RD3: variants seen among roughly 807,000 people sequenced by gnomAD.
The protein encoded by RD3 is RD3 regulator of GUCY2D.
RD3 carries 11 observed loss-of-function variants against 16.9 expected under a neutral mutation model. The ratio of observed to expected loss-of-function variants is 0.65; its 90% CI spans 0.41 to 1.08. The LOEUF (loss-of-function observed/expected upper bound fraction) is 1.08, where lower values mean the gene tolerates loss of function less well. RD3 is among the 50% of genes least tolerant of loss of function. RD3 has a pLI of 0.00. For synonymous variants in RD3, 116 were observed against 114.8 expected (o/e 1.01, Z -0.07); for missense variants, 274 against 267.4 (o/e 1.02, Z -0.17).
intron 1 of RD3, among the ~76,000 whole-genome samples, chr1:211,488,687 C>T (rs1312610545): frequency 6.6e-6 from 1 of 152,212 alleles, no homozygotes; most frequent in Non-Finnish European, 1.5e-5. Context: ...GACCCCTATC[C>T]ATCTTGGGGT....
chr1:211,484,085 A>G (rs1705328289), intron 1 of RD3, among the ~76,000 whole-genome samples: 1 of 151,976 alleles, frequency 6.6e-6, no homozygotes. Context: ...AGATGTGGCC[A>G]CTCTCTACCT....
At position 211,481,572 on chromosome 1, in the gene RD3, G is replaced by T. The variant is rs1008928541; in HGVS notation, c.-11-146C>A. Reference sequence around the variant, plus strand: ...CTAACAGTTGAGTGGCCTCAAGTAGGTGGCTTAATTTCCCTGAGCAATCAT... The same window carrying T: ...CTAACAGTTGAGTGGCCTCAAGTAGTTGGCTTAATTTCCCTGAGCAATCAT... On this transcript the variant is annotated intron_variant, in intron 1 of 2. Coordinates refer to ENST00000680073, the MANE Select transcript of RD3 (RefSeq NM_001164688.2). 4.4e-6 allele frequency: 3 copies of T among 687,298 alleles called. No homozygotes were observed. The African/African-American group carries it at 5.4e-5, about 12-fold the overall frequency. The allele number at this position is 687,298 out of a possible 1,614,324, so 42.6% of individuals were successfully genotyped here.
At chr1:211,485,473 A>G (rs1472458252) in intron 1 of RD3, among the ~76,000 whole-genome samples, 1 of 152,202 alleles carries the variant, frequency 6.6e-6, no homozygotes, top group Non-Finnish European at 1.5e-5. Flanking sequence ...AGGGAGAGAC[A>G]GAGGGAGGAA....
At chr1:211,483,581 G>T (rs1705318628) in intron 1 of RD3, among the ~76,000 whole-genome samples, 1 of 151,828 alleles carries the variant, frequency 6.6e-6, no homozygotes, top group South Asian at 2.1e-4. Context: ...CGAACCATTA[G>T]ACCCTACTCC....
intron 2 of RD3, among the ~76,000 whole-genome samples, chr1:211,479,975 C>T (rs899690220): frequency 6.6e-5 from 10 of 152,248 alleles, no homozygotes; most frequent in African/African-American, 2.4e-4. Flanking sequence ...CTATTTAATA[C>T]CAGGTTTCCT....
intron 1 of RD3, among the ~76,000 whole-genome samples, chr1:211,483,463 A>AAAAAAAG (rs1705315904): frequency 6.6e-6 from 1 of 152,102 alleles, no homozygotes; most frequent in South Asian, 2.1e-4. Context: ...TCAAAAAAAA[A>AAAAAAAG]AAAAAAGAAA....
At chr1:211,481,071 C>T in intron 2 of RD3, 49 bp downstream of exon 2, 1 of 1,603,888 alleles carries the variant, frequency 6.2e-7, no homozygotes, top group Non-Finnish European at 8.5e-7. Context: ...ACTGCAGCCA[C>T]CTTTCCTGGA....
At chr1:211,491,409 A>C (rs1397692634) in intron 1 of RD3, among the ~76,000 whole-genome samples, 1 of 151,922 alleles carries the variant, frequency 6.6e-6, no homozygotes, top group East Asian at 1.9e-4. Flanking sequence ...GCCTGTGTCC[A>C]CTCTATAAAG....
At position 211,486,767 on chromosome 1, in the gene RD3, C is replaced by T. The variant is rs192757732; in HGVS notation, c.-12+5001G>A. Among the ~76,000 whole-genome samples the T allele has an allele frequency of 3.8e-3, 556 of 147,328 alleles. 2 individuals carry two copies. The highest frequency in any genetic ancestry group is 0.013 in the African/African-American group (533 of 39,842). ...CTAAGGCAGGAGAATGGCTTGAACCCGGGAGGCAGAGGTTGCAGTGAGCCG... is the reference window on the plus strand; with the variant it reads ...CTAAGGCAGGAGAATGGCTTGAACCTGGGAGGCAGAGGTTGCAGTGAGCCG... On this transcript the variant is annotated intron_variant, in intron 1 of 2. Coordinates refer to ENST00000680073, the MANE Select transcript of RD3 (RefSeq NM_001164688.2).
At chr1:211,485,321 C>T (rs1705352154) in intron 1 of RD3, among the ~76,000 whole-genome samples, 1 of 152,190 alleles carries the variant, frequency 6.6e-6, no homozygotes, top group African/African-American at 2.4e-5. Flanking sequence ...TCCCCATCCC[C>T]TCACTTCCCG....
At chr1:211,484,292 G>A (rs12135625) in intron 1 of RD3, among the ~76,000 whole-genome samples, 1 of 152,088 alleles carries the variant, frequency 6.6e-6, no homozygotes, top group East Asian at 1.9e-4. Context: ...ATGAATGCCC[G>A]AACAAAGGAA....
At chr1:211,479,418 C>T (rs1705218145) in intron 2 of RD3, 91 bp from the exon 3 acceptor site, 12 of 1,201,872 alleles carry the variant, frequency 1.0e-5, no homozygotes, top group Non-Finnish European at 1.4e-5. Context: ...GCCCGTGCAT[C>T]CTCATGGCCA....
rs556484444 is a variant in RD3, at chr1:211,488,194, G to A, written c.-12+3574C>T. Among the ~76,000 whole-genome samples, 12 of 152,322 alleles carry A rather than the reference G, an allele frequency of 7.9e-5. No individual in the cohort carries two copies. In the South Asian group the frequency reaches 2.5e-3, roughly 32 times the overall value. Reference sequence around the variant, plus strand: ...CAGTAAACTATACAAATCCTGTGCAGTGATCAGGGGTTGTAATTCTTATGA... The same window carrying A: ...CAGTAAACTATACAAATCCTGTGCAATGATCAGGGGTTGTAATTCTTATGA... On this transcript the variant is annotated intron_variant, in intron 1 of 2. Coordinates refer to ENST00000680073, the MANE Select transcript of RD3 (RefSeq NM_001164688.2).
rs1191059201 is a variant in RD3 at position 211,492,040 on chromosome 1, GGTGTGTAGGT to G, written c.-294_-285del. The G allele has an allele frequency of 7.3e-6, 1 of 137,394 alleles. No homozygotes were observed. Among genetic ancestry groups the G allele is most frequent in the Non-Finnish European group, 1.5e-5 (1 of 65,666 alleles). 8.5% of individuals were successfully genotyped at this position (137,394 alleles called of 1,614,324 possible). On this transcript the variant is annotated 5_prime_UTR_variant, in exon 1 of 3. It introduces an in-frame stop codon into an upstream open reading frame of the 5' UTR. Transcript: ENST00000680073. ...ATCCAGCCTGGACTATTGTTTGTGGGGTGTGTAGGTGTGTGTGTGTGTGTGTGTGTGTGTG... is the reference window on the plus strand; with the variant it reads ...ATCCAGCCTGGACTATTGTTTGTGGGGTGTGTGTGTGTGTGTGTGTGTGTG...
At position 211,481,303 on chromosome 1, in the gene RD3, C is replaced by T. The variant is rs766217814; in HGVS notation, c.113G>A (p.Arg38Gln). 14 of 1,614,156 alleles carry T rather than the reference C, an allele frequency of 8.7e-6. No individual in the cohort carries two copies. The highest frequency in any genetic ancestry group is 2.2e-5 in the East Asian group (1 of 44,904). ...TLMMELTGQM[R>Q]EAERQQRERS... is the part of the protein sequence containing the mutation. ...CTCCCGCTGCTGCCTCTCAGCCTCT[C>T]GCATCTGCCCCGTCAGCTCCATCAT... The change falls in exon 2 of 3, where the codon CGA becomes CAA. Residue 38 changes from arginine to glutamine, a missense_variant. Arg to Gln is a conservative substitution (Grantham distance 43, BLOSUM62 1). Transcript: ENST00000680073.
chr1:211,487,858 G>A (rs1010603889), intron 1 of RD3, among the ~76,000 whole-genome samples: 1 of 152,188 alleles, frequency 6.6e-6, no homozygotes, highest in Admixed American at 6.5e-5. Context: ...CCTGCCTGTC[G>A]CTGTGCTAGG....
rs1705249926 is a variant in RD3, at chr1:211,481,217, G to GC, written c.198_199insG (p.Pro67AlafsTer6). 1 of 1,614,158 alleles carries GC rather than the reference G, an allele frequency of 6.2e-7. No individual in the cohort carries two copies. The highest frequency in any genetic ancestry group is 1.3e-5 in the African/African-American group (1 of 74,958). On this transcript the variant is annotated frameshift_variant, in exon 2 of 3. Coordinates refer to ENST00000680073, the MANE Select transcript of RD3 (RefSeq NM_001164688.2). LOFTEE classifies it high-confidence loss of function. ...GGGCTGAGGTCATAGGTGGACCGGG[G>GC]TGTGCTGGCCAGCCAGCTGTAGTCC...
intron 1 of RD3, among the ~76,000 whole-genome samples, chr1:211,489,522 A>G (rs557967844): frequency 6.6e-6 from 1 of 150,916 alleles, no homozygotes; most frequent in East Asian, 1.9e-4. Flanking sequence ...ATTATTTCAC[A>G]TGTTGATAGG....
chr1:211,491,166 C>T (rs1321202352), intron 1 of RD3, among the ~76,000 whole-genome samples: 1 of 152,190 alleles, frequency 6.6e-6, no homozygotes, highest in Non-Finnish European at 1.5e-5. Context: ...CCCGATCTCC[C>T]TGGCGCCCCA....
Sources: gnomAD v4.1 joint callset for allele counts (sites outside exome capture counted in the v4.1 genomes callset) on GRCh38, gnomAD v4.1.1 for gene constraint, MANE v1.5 for transcripts, NCBI Gene and HGNC (gene_info 2026-07-23, HGNC 2026-07-21) for gene names.